The following LRP1B variants were observed in gnomAD, a reference collection of about 807,000 sequenced individuals.
LRP1B encodes low-density lipoprotein receptor-related protein 1B.
LRP1B carries 217 observed loss-of-function variants against 556.6 expected under a neutral mutation model. The observed-to-expected ratio is 0.39, with a 90% CI of 0.35 to 0.44. The LOEUF is 0.44. Ranked by LOEUF, LRP1B falls within the 20% of genes least tolerant of loss-of-function variation. LRP1B has a pLI of 1.00. For synonymous variants in LRP1B, 2,047 were observed against 1,865.8 expected, an observed-to-expected ratio of 1.10 and a Z score of -2.50; for missense variants, 5,053 against 5,620.8, an observed-to-expected ratio of 0.90 and a Z score of 3.23.
At chr2:141,365,694 C>T (rs1158414886) in intron 3 of LRP1B, among the ~76,000 whole-genome samples, 2 of 85,668 alleles carry the variant, frequency 2.3e-5, no homozygotes, top group Non-Finnish European at 4.8e-5. Flanking sequence ...GCTCTGTTGC[C>T]CGGGCTGGAG....
At chr2:141,061,450 T>A (rs1356852387) in intron 8 of LRP1B, among the ~76,000 whole-genome samples, 1 of 151,754 alleles carries the variant, frequency 6.6e-6, no homozygotes, top group Admixed American at 6.6e-5. Context: ...TACTTAGAGA[T>A]CTCTTTTAGG....
At chr2:142,098,572 C>A (rs535209149) in intron 1 of LRP1B, among the ~76,000 whole-genome samples, 1 of 151,544 alleles carries the variant, frequency 6.6e-6, no homozygotes, top group East Asian at 1.9e-4. Context: ...GACTTCATTG[C>A]AAAACAAAAT....
At chr2:140,335,969 A>G (rs1681070179) in intron 77 of LRP1B, 131 bp from the exon 78 acceptor site, 3 of 640,804 alleles carry the variant, frequency 4.7e-6, no homozygotes, top group Admixed American at 2.7e-5. Flanking sequence ...ATAGATGTCA[A>G]AAAGATATTT....
At position 140,945,215 on chromosome 2, in the gene LRP1B, A is replaced by C. The variant is rs528557455; in HGVS notation, c.3136+5020T>G. Among the ~76,000 whole-genome samples the C allele has an allele frequency of 1.2e-4, 18 of 152,272 alleles. No individual in the cohort carries two copies. In the East Asian group the frequency reaches 1.4e-3, roughly 11 times the overall value. On this transcript the variant is annotated intron_variant, in intron 20 of 90. Transcript: ENST00000389484. The stretch of plus-strand genomic sequence containing the variant: ...AAGAAGATGCTGAAAGAAATTAGAG[A>C]TGACACAAACAAATAAAAAATCATT...
chr2:141,361,778 CTATT>C (rs1370490667), intron 3 of LRP1B, among the ~76,000 whole-genome samples: 1 of 152,156 alleles, frequency 6.6e-6, no homozygotes, highest in Non-Finnish European at 1.5e-5. Context: ...TCAGAAAAGT[CTATT>C]TGAGAAGTCT....
intron 1 of LRP1B, among the ~76,000 whole-genome samples, chr2:141,993,857 C>T (rs998362013): frequency 6.6e-6 from 1 of 152,116 alleles, no homozygotes; most frequent in Non-Finnish European, 1.5e-5. Context: ...TTTTGAGATA[C>T]AGAACGAAGC....
chr2:141,171,346 C>T (rs1235693005), intron 7 of LRP1B, among the ~76,000 whole-genome samples: 2 of 152,078 alleles, frequency 1.3e-5, no homozygotes, highest in African/African-American at 4.8e-5. Flanking sequence ...CATCCCTTCC[C>T]TCTTCCCCAC....
At chr2:140,330,233 A>AATAATAATAATAATC in intron 79 of LRP1B, among the ~76,000 whole-genome samples, 1 of 141,750 alleles carries the variant, frequency 7.1e-6, no homozygotes, top group African/African-American at 2.6e-5. Context: ...TAATAATAAT[A>AATAATAATAATAATC]ATAATAATAT....
rs564088756 is a variant in LRP1B at position 142,012,630 on chromosome 2, G to T, written c.82+118018C>A. Among the ~76,000 whole-genome samples, 221 of 152,222 alleles carry T rather than the reference G, an allele frequency of 1.5e-3. 1 individual carries two copies. The highest frequency in any genetic ancestry group is 3.5e-3 in the Admixed American group (54 of 15,286). On this transcript the variant is annotated intron_variant, in intron 1 of 90. Coordinates refer to ENST00000389484, the MANE Select transcript of LRP1B (RefSeq NM_018557.3). Reference sequence around the variant, plus strand: ...AGATCACAAAATTAGTGACAAAACAGTAAAATTTACTTAGCTCTACTTAGC... The same window carrying T: ...AGATCACAAAATTAGTGACAAAACATTAAAATTTACTTAGCTCTACTTAGC...
At chr2:140,236,600 T>C (rs1680711547) in intron 89 of LRP1B, among the ~76,000 whole-genome samples, 1 of 150,924 alleles carries the variant, frequency 6.6e-6, no homozygotes. Context: ...TAACAAATAT[T>C]TTTAAATTTA....
chr2:141,081,022 G>A (rs1043923500), intron 7 of LRP1B, among the ~76,000 whole-genome samples: 3 of 152,034 alleles, frequency 2.0e-5, no homozygotes, highest in Non-Finnish European at 2.9e-5. Context: ...TTGTAGTGAT[G>A]GGGTTTTGCC....
intron 66 of LRP1B, among the ~76,000 whole-genome samples, chr2:140,387,938 T>C (rs1419966798): frequency 1.3e-5 from 2 of 151,248 alleles, no homozygotes; most frequent in Non-Finnish European, 3.0e-5. Context: ...TACTTTCTTT[T>C]TTTTTTTTTT....
chr2:140,426,460 C>T (rs1257320796), intron 66 of LRP1B, among the ~76,000 whole-genome samples: 1 of 152,110 alleles, frequency 6.6e-6, no homozygotes, highest in African/African-American at 2.4e-5. Flanking sequence ...TCCAGATGGC[C>T]GGTTCCTGCC....
chr2:140,904,094 TA>T (rs1441096208), intron 22 of LRP1B, among the ~76,000 whole-genome samples: 1 of 152,092 alleles, frequency 6.6e-6, no homozygotes. Context: ...CTCTTCTGTT[TA>T]CCAGTGTATA....
intron 3 of LRP1B, among the ~76,000 whole-genome samples, chr2:141,264,286 T>C (rs763775260): frequency 2.0e-5 from 3 of 152,320 alleles, no homozygotes; most frequent in Admixed American, 6.5e-5. Context: ...GACAACATTG[T>C]CACTTGATAA....
At chr2:141,739,684 T>G (rs902870207) in intron 2 of LRP1B, among the ~76,000 whole-genome samples, 2 of 151,756 alleles carry the variant, frequency 1.3e-5, no homozygotes, top group African/African-American at 4.8e-5. Flanking sequence ...CTGGTTGTTT[T>G]TTTTTTTTTG....
At chr2:141,141,859 T>G (rs1701661499) in intron 7 of LRP1B, among the ~76,000 whole-genome samples, 1 of 152,218 alleles carries the variant, frequency 6.6e-6, no homozygotes, top group South Asian at 2.1e-4. Flanking sequence ...GTTTATATAA[T>G]TTAAGCCACT....
At chr2:140,371,349 C>T (rs1682984741) in intron 69 of LRP1B, 64 bp from the exon 70 acceptor site, 1 of 733,774 alleles carries the variant, frequency 1.4e-6, no homozygotes, top group African/African-American at 1.8e-5. Flanking sequence ...GAAATAAAAA[C>T]ATAAACACAT....
chr2:140,580,874 C>T (rs557895047), intron 43 of LRP1B, among the ~76,000 whole-genome samples: 1 of 152,252 alleles, frequency 6.6e-6, no homozygotes, highest in African/African-American at 2.4e-5. Flanking sequence ...CTGGATGTGT[C>T]AATTTGTTTT....
Sources: gnomAD v4.1 joint callset for allele counts (sites outside exome capture counted in the v4.1 genomes callset) on GRCh38, gnomAD v4.1.1 for gene constraint, MANE v1.5 for transcripts, NCBI Gene and HGNC (gene_info 2026-07-23, HGNC 2026-07-21) for gene names.